The following CDK6 variants were observed in gnomAD, a reference collection of about 807,000 sequenced individuals.
CDK6 encodes the protein cyclin-dependent kinase 6.
A neutral mutation model predicts 37.1 loss-of-function variants in CDK6; 6 were observed. That is an observed-to-expected ratio of 0.16 (90% CI 0.09 to 0.32). The LOEUF (loss-of-function observed/expected upper bound fraction) is 0.32. Ranked by LOEUF, CDK6 falls within the 10% of genes least tolerant of loss-of-function variation. CDK6 has a pLI of 1.00. For synonymous variants in CDK6, 160 were observed against 161.3 expected (o/e 0.99, Z 0.06); for missense variants, 224 against 418.9 (o/e 0.53, Z 4.06).
intron 2 of CDK6, among the ~76,000 whole-genome samples, chr7:92,793,406 C>T (rs1486548459): frequency 6.6e-6 from 1 of 152,094 alleles, no homozygotes; most frequent in Non-Finnish European, 1.5e-5. Context: ...GATAAACAAA[C>T]AGATCAATGA....
intron 2 of CDK6, among the ~76,000 whole-genome samples, chr7:92,781,699 C>G (rs1249753215): frequency 1.3e-5 from 2 of 152,144 alleles, no homozygotes; most frequent in Non-Finnish European, 2.9e-5. Context: ...CCCCCATTCT[C>G]TTCAATGTTT....
intron 6 of CDK6, among the ~76,000 whole-genome samples, chr7:92,620,782 C>A (rs1244800810): frequency 1.3e-5 from 2 of 152,050 alleles, no homozygotes; most frequent in Admixed American, 6.6e-5. Context: ...GTGCCCTGTG[C>A]CTGTAGTCCC....
chr7:92,726,957 A>G lies in CDK6; in HGVS notation c.370-1164T>C, dbSNP rs536789146. 3.3e-5 allele frequency among the ~76,000 whole-genome samples: 5 copies of G among 152,356 alleles called. No homozygotes were observed. In the South Asian group the frequency reaches 1.0e-3, roughly 32 times the overall value. On this transcript the variant is annotated intron_variant, in intron 3 of 7. Coordinates refer to ENST00000424848, the MANE Select transcript of CDK6 (RefSeq NM_001145306.2). Reference sequence around the variant, plus strand: ...CCATAGTTAATATTCAGTAAATGGCAGCGCTTATTACTGTTATTATTAACC... The same window carrying G: ...CCATAGTTAATATTCAGTAAATGGCGGCGCTTATTACTGTTATTATTAACC...
At chr7:92,754,889 G>T (rs1206122653) in intron 3 of CDK6, among the ~76,000 whole-genome samples, 2 of 152,168 alleles carry the variant, frequency 1.3e-5, no homozygotes, top group Admixed American at 1.3e-4. Context: ...AACTACTTCA[G>T]TTTGAGCTGA....
At chr7:92,822,190 G>A (rs1801190212) in intron 2 of CDK6, among the ~76,000 whole-genome samples, 1 of 152,010 alleles carries the variant, frequency 6.6e-6, no homozygotes, top group Non-Finnish European at 1.5e-5. Flanking sequence ...AAACTGATAT[G>A]ATGATTTAAA....
At chr7:92,827,651 G>GT (rs1801360141) in intron 2 of CDK6, among the ~76,000 whole-genome samples, 1 of 152,142 alleles carries the variant, frequency 6.6e-6, no homozygotes, top group African/African-American at 2.4e-5. Context: ...TGACCTTCAT[G>GT]TAAGTATGCT....
intron 5 of CDK6, among the ~76,000 whole-genome samples, chr7:92,656,796 T>C (rs553580973): frequency 6.6e-6 from 1 of 152,308 alleles, no homozygotes; most frequent in Admixed American, 6.5e-5. Context: ...GAACTGACTT[T>C]CCATCCAGGA....
chr7:92,609,442 T>TA lies in CDK6; in HGVS notation c.*5697dup, dbSNP rs939870528. The TA allele has an allele frequency of 6.6e-5, 15 of 228,224 alleles. No individual in the cohort carries two copies. The highest frequency in any genetic ancestry group is 3.1e-4 in the African/African-American group (14 of 44,984). The allele number at this position is 228,224 out of a possible 1,614,324, so 14.1% of individuals were successfully genotyped here. ...TCATATACTTCAGACTTTTTTTTTT[T>TA]AATTAGAGCTTCTTATGAATTTACA... On this transcript the variant is annotated 3_prime_UTR_variant, in exon 8 of 8. Transcript: ENST00000424848.
chr7:92,707,719 C>T (rs747867408), intron 4 of CDK6, among the ~76,000 whole-genome samples: 10 of 152,228 alleles, frequency 6.6e-5, no homozygotes, highest in Non-Finnish European at 1.2e-4. Context: ...CTCACAGTCT[C>T]TTTCTCTCTC....
At chr7:92,756,159 T>TAAA (rs1054729093) in intron 3 of CDK6, among the ~76,000 whole-genome samples, 25 of 134,210 alleles carry the variant, frequency 1.9e-4, no homozygotes, top group African/African-American at 6.3e-4. Flanking sequence ...TGTAAAATTG[T>TAAA]AAAAAAAAAA....
intron 4 of CDK6, among the ~76,000 whole-genome samples, chr7:92,686,346 T>C (rs11981340): frequency 0.11 from 17,414 of 152,010 alleles, 2,118 homozygotes; most frequent in East Asian, 0.33. Flanking sequence ...GCATCCTCAT[T>C]GCTTATGAGT....
intron 4 of CDK6, among the ~76,000 whole-genome samples, chr7:92,719,372 A>G (rs1014946793): frequency 2.6e-5 from 4 of 152,248 alleles, no homozygotes; most frequent in Non-Finnish European, 4.4e-5. Flanking sequence ...CAGATTTAAA[A>G]AAAAATTTCC....
intron 4 of CDK6, among the ~76,000 whole-genome samples, chr7:92,678,689 G>A (rs987223604): frequency 6.6e-6 from 1 of 152,094 alleles, no homozygotes; most frequent in Admixed American, 6.6e-5. Flanking sequence ...TCATTATATG[G>A]CCACAATGGC....
chr7:92,791,537 A>G (rs2115857401), intron 2 of CDK6, among the ~76,000 whole-genome samples: 1 of 152,294 alleles, frequency 6.6e-6, no homozygotes, highest in East Asian at 1.9e-4. Context: ...GGTAGAATAT[A>G]GGAGAAGTCA....
At chr7:92,761,105 A>T (rs1799445625) in intron 3 of CDK6, among the ~76,000 whole-genome samples, 1 of 152,012 alleles carries the variant, frequency 6.6e-6, no homozygotes, top group African/African-American at 2.4e-5. Context: ...AGTTTTTGCA[A>T]ATATTTTATC....
intron 3 of CDK6, among the ~76,000 whole-genome samples, chr7:92,750,490 C>T (rs1375773425): frequency 5.3e-5 from 8 of 152,118 alleles, no homozygotes; most frequent in Admixed American, 3.3e-4. Flanking sequence ...GCCAGCTTCT[C>T]AAGATTTCAA....
chr7:92,727,231 T>G (rs1798534287), intron 3 of CDK6, among the ~76,000 whole-genome samples: 2 of 152,102 alleles, frequency 1.3e-5, no homozygotes, highest in African/African-American at 4.8e-5. Flanking sequence ...ATACAAGGGT[T>G]AGAAAAATGA....
At chr7:92,624,962 T>G (rs908296312) in intron 5 of CDK6, among the ~76,000 whole-genome samples, 2 of 152,048 alleles carry the variant, frequency 1.3e-5, no homozygotes, top group Non-Finnish European at 2.9e-5. Flanking sequence ...TTAGTTAACA[T>G]GCTGATTTTT....
At chr7:92,649,434 G>C (rs1796523665) in intron 5 of CDK6, among the ~76,000 whole-genome samples, 1 of 152,144 alleles carries the variant, frequency 6.6e-6, no homozygotes, top group Non-Finnish European at 1.5e-5. Flanking sequence ...TCATACAGGT[G>C]GTTGGGCCAT....
Sources: allele counts gnomAD v4.1 joint callset (sites outside exome capture counted in the v4.1 genomes callset), GRCh38; gene constraint gnomAD v4.1.1; transcripts MANE v1.5; gene names NCBI Gene and HGNC (gene_info 2026-07-23, HGNC 2026-07-21).